Variants in SNAP91 observed in about 807,000 individuals in gnomAD.
SNAP91 encodes synaptosome associated protein 91.
Under a neutral mutation model 100.3 loss-of-function variants are expected in SNAP91, and 27 were observed. The ratio of observed to expected loss-of-function variants is 0.27; its 90% confidence interval spans 0.20 to 0.37. The LOEUF (loss-of-function observed/expected upper bound fraction) is 0.37, where lower values mean the gene tolerates loss of function less well. Among genes scored for constraint, SNAP91 ranks in the 10% least tolerant of loss-of-function variants. The pLI, the probability that SNAP91 is intolerant of heterozygous loss-of-function variation, is 1.00. For missense variants in SNAP91, 986 were observed against 1,123.7 expected, an observed-to-expected ratio of 0.88 and a Z score of 1.75; for synonymous variants, 404 against 398.6, an observed-to-expected ratio of 1.01 and a Z score of -0.16.
intron 26 of SNAP91, among the ~76,000 whole-genome samples, chr6:83,573,120 A>AT (rs1290704303): frequency 6.6e-6 from 1 of 152,152 alleles, no homozygotes; most frequent in Non-Finnish European, 1.5e-5. Flanking sequence ...GGGGCCTTAG[A>AT]TTTTTGTATT....
At chr6:83,554,337 T>C in intron 29 of SNAP91, 52 bp from the exon 30 acceptor site, 1 of 229,108 alleles carries the variant, frequency 4.4e-6, no homozygotes, top group Non-Finnish European at 8.9e-6. Flanking sequence ...TACATAGTCC[T>C]CAAACATTTT....
At chr6:83,569,234 T>C (rs1802310530) in intron 26 of SNAP91, among the ~76,000 whole-genome samples, 1 of 150,816 alleles carries the variant, frequency 6.6e-6, no homozygotes, top group African/African-American at 2.5e-5. Context: ...ACAAATAGTT[T>C]CTATTGTTCT....
At chr6:83,604,804 T>C (rs1369821379) in intron 14 of SNAP91, among the ~76,000 whole-genome samples, 2 of 152,178 alleles carry the variant, frequency 1.3e-5, no homozygotes, top group East Asian at 3.9e-4. Context: ...TATTCTAACA[T>C]TCCTTTTAAA....
chr6:83,662,467 C>T (rs1385934481), intron 3 of SNAP91, 45 bp from the exon 4 acceptor site: 2 of 795,536 alleles, frequency 2.5e-6, no homozygotes, highest in East Asian at 6.4e-5. Context: ...TAAAATCATA[C>T]TTTTAAACAA....
chr6:83,674,560 C>A (rs2098833937), intron 2 of SNAP91, among the ~76,000 whole-genome samples: 1 of 152,146 alleles, frequency 6.6e-6, no homozygotes, highest in Non-Finnish European at 1.5e-5. Flanking sequence ...GGAACCAGAC[C>A]TATGGCCTCT....
At chr6:83,573,204 G>T (rs889529235) in intron 26 of SNAP91, among the ~76,000 whole-genome samples, 2 of 152,108 alleles carry the variant, frequency 1.3e-5, no homozygotes, top group Non-Finnish European at 2.9e-5. Flanking sequence ...ATTCACAATT[G>T]CTTCAAAGAG....
At chr6:83,591,143 T>G in intron 22 of SNAP91, 68 bp downstream of exon 22, 1 of 1,045,038 alleles carries the variant, frequency 9.6e-7, no homozygotes. Flanking sequence ...TATGTAATTT[T>G]TATAATTGTT....
chr6:83,618,779 A>G (rs2096598851), intron 9 of SNAP91, among the ~76,000 whole-genome samples: 1 of 151,906 alleles, frequency 6.6e-6, no homozygotes, highest in Non-Finnish European at 1.5e-5. Flanking sequence ...GGATCGCAGT[A>G]AGGAAAAAAA....
intron 2 of SNAP91, among the ~76,000 whole-genome samples, chr6:83,681,232 G>C (rs947597750): frequency 6.6e-6 from 1 of 152,072 alleles, no homozygotes; most frequent in Non-Finnish European, 1.5e-5. Context: ...AGCAATTGTA[G>C]GTTCCCACAA....
chr6:83,653,324 CTT>C (rs899502311), intron 7 of SNAP91, among the ~76,000 whole-genome samples: 1 of 151,864 alleles, frequency 6.6e-6, no homozygotes, highest in African/African-American at 2.4e-5. Flanking sequence ...CCGTTTTTGT[CTT>C]GTTTTTAGTC....
chr6:83,652,177 A>C (rs1212820825), intron 7 of SNAP91, among the ~76,000 whole-genome samples: 1 of 152,144 alleles, frequency 6.6e-6, no homozygotes. Context: ...TAATTGATGC[A>C]TTTAGACCAT....
chr6:83,697,507 T>G (rs189520576), intron 2 of SNAP91, among the ~76,000 whole-genome samples: 112 of 152,306 alleles, frequency 7.4e-4, no homozygotes, highest in African/African-American at 2.4e-3. Flanking sequence ...ATCTAACATT[T>G]TTTTCAAATT....
intron 22 of SNAP91, among the ~76,000 whole-genome samples, chr6:83,587,887 C>T (rs145984901): frequency 1.5e-3 from 231 of 152,116 alleles, no homozygotes; most frequent in African/African-American, 5.4e-3. Flanking sequence ...CTTGAACAAG[C>T]GTGAGAAATA....
intron 8 of SNAP91, among the ~76,000 whole-genome samples, chr6:83,639,704 G>A (rs954116058): frequency 1.3e-5 from 2 of 152,088 alleles, no homozygotes; most frequent in Non-Finnish European, 2.9e-5. Flanking sequence ...GCCTTGTAAT[G>A]CTGATTAGAG....
chr6:83,595,171 T>C (rs986184143), intron 16 of SNAP91, among the ~76,000 whole-genome samples: 4 of 152,022 alleles, frequency 2.6e-5, no homozygotes, highest in African/African-American at 9.7e-5. Context: ...ACACTCTTAC[T>C]AAGTTTACTA....
At chr6:83,564,264 A>T (rs1793202828) in intron 26 of SNAP91, among the ~76,000 whole-genome samples, 1 of 151,990 alleles carries the variant, frequency 6.6e-6, no homozygotes, top group African/African-American at 2.4e-5. Flanking sequence ...ACGGTCAATT[A>T]ATTTTTGACA....
At chr6:83,574,177 G>A (rs1403423164) in intron 26 of SNAP91, among the ~76,000 whole-genome samples, 3 of 152,182 alleles carry the variant, frequency 2.0e-5, no homozygotes, top group Admixed American at 1.3e-4. Flanking sequence ...TTAGATAGGT[G>A]GAGGTGGTAA....
chr6:83,565,470 T>A (rs958246446), intron 26 of SNAP91, among the ~76,000 whole-genome samples: 1 of 152,206 alleles, frequency 6.6e-6, no homozygotes, highest in Non-Finnish European at 1.5e-5. Flanking sequence ...TCTAAGCCCA[T>A]GTTCTAATCA....
At chr6:83,641,976 T>A (rs1177243010) in intron 7 of SNAP91, among the ~76,000 whole-genome samples, 7 of 152,200 alleles carry the variant, frequency 4.6e-5, no homozygotes, top group African/African-American at 1.7e-4. Context: ...AGAAAACCAG[T>A]ACTTCATCAG....
Sources: allele counts gnomAD v4.1 joint callset (sites outside exome capture counted in the v4.1 genomes callset), GRCh38; gene constraint gnomAD v4.1.1; transcripts MANE v1.5; gene names NCBI Gene and HGNC (gene_info 2026-07-23, HGNC 2026-07-21).